The following RASAL2 variants were observed in gnomAD, a reference collection of about 807,000 sequenced individuals.
RASAL2 encodes ras GTPase-activating protein nGAP.
In RASAL2, 58 loss-of-function variants were observed where a neutral mutation model predicts 128.9. The observed-to-expected ratio is 0.45, with a 90% CI of 0.36 to 0.56. The LOEUF (loss-of-function observed/expected upper bound fraction) is 0.56, where lower values mean the gene tolerates loss of function less well. RASAL2 is among the 20% of genes least tolerant of loss of function. The pLI is 0.00. For synonymous variants in RASAL2, 561 were observed against 580.8 expected (o/e 0.97, Z 0.49); for missense variants, 1,360 against 1,601.6 (o/e 0.85, Z 2.57).
In RASAL2 at chr1:178,373,274, C is replaced by CTTTTTTTTTTTTTTTTTTTTTTT. The variant is rs60835442; in HGVS notation, c.458-16811_458-16810insTTTTTTTTTTTTTTTTTTTTTTT. ...TCAATCTTAGCATTCTGTTTCTTTC[C>CTTTTTTTTTTTTTTTTTTTTTTT]TTTTTTTTTTTTTTTGCAGTTTAGA... On this transcript the variant is annotated intron_variant, in intron 3 of 17. Coordinates refer to ENST00000367649, the MANE Select transcript of RASAL2 (RefSeq NM_170692.4). 3.0e-3 allele frequency among the ~76,000 whole-genome samples: 180 copies of CTTTTTTTTTTTTTTTTTTTTTTT among 59,984 alleles called. 19 individuals are homozygous for CTTTTTTTTTTTTTTTTTTTTTTT. Among genetic ancestry groups the CTTTTTTTTTTTTTTTTTTTTTTT allele is most frequent in the South Asian group, 3.9e-3 (5 of 1,290 alleles). The allele number at this position is 59,984 out of a possible 152,430, so 39.4% of individuals were successfully genotyped here. A position where few individuals can be genotyped will look rare whatever the true frequency, so the allele number is the denominator to read the frequency against.
chr1:178,328,749 A>G (rs1669155561), intron 3 of RASAL2, among the ~76,000 whole-genome samples: 1 of 152,228 alleles, frequency 6.6e-6, no homozygotes, highest in African/African-American at 2.4e-5. Flanking sequence ...CTGATGCCAA[A>G]TAAGTGGCAG....
intron 1 of RASAL2, among the ~76,000 whole-genome samples, chr1:178,130,538 G>A (rs558516843): frequency 4.0e-4 from 61 of 152,146 alleles, no homozygotes; most frequent in African/African-American, 1.3e-3. Context: ...TCTTGAATGC[G>A]GTCTTGACTA....
At chr1:178,293,835 G>T (rs986713363) in intron 2 of RASAL2, among the ~76,000 whole-genome samples, 3 of 152,172 alleles carry the variant, frequency 2.0e-5, no homozygotes, top group South Asian at 2.1e-4. Context: ...ATGTGTTACC[G>T]GAGAACTAAA....
chr1:178,238,659 A>G (rs187056388), intron 1 of RASAL2, among the ~76,000 whole-genome samples: 24 of 152,098 alleles, frequency 1.6e-4, no homozygotes, highest in Admixed American at 1.3e-3. Context: ...AGCAATCACT[A>G]TATATATATG....
At chr1:178,265,871 C>A (rs1416439564) in intron 1 of RASAL2, among the ~76,000 whole-genome samples, 1 of 152,154 alleles carries the variant, frequency 6.6e-6, no homozygotes. Flanking sequence ...AATTACACAT[C>A]TTTTGTATCT....
intron 4 of RASAL2, among the ~76,000 whole-genome samples, chr1:178,393,581 C>G (rs1463457953): frequency 6.6e-6 from 1 of 152,200 alleles, no homozygotes; most frequent in Non-Finnish European, 1.5e-5. Context: ...CCGCCCAGTT[C>G]CTAACAGGCC....
chr1:178,157,732 C>G (rs575220695), intron 1 of RASAL2, among the ~76,000 whole-genome samples: 3 of 152,134 alleles, frequency 2.0e-5, no homozygotes, highest in East Asian at 3.9e-4. Flanking sequence ...TTTAGACTTG[C>G]GTACATTCAC....
chr1:178,226,494 T>C (rs1181270578), intron 1 of RASAL2, among the ~76,000 whole-genome samples: 1 of 152,184 alleles, frequency 6.6e-6, no homozygotes, highest in African/African-American at 2.4e-5. Flanking sequence ...ACACCAGCTA[T>C]GTGGAAGAGA....
chr1:178,246,653 A>G (rs951562904), intron 1 of RASAL2, among the ~76,000 whole-genome samples: 1 of 152,112 alleles, frequency 6.6e-6, no homozygotes, highest in Non-Finnish European at 1.5e-5. Context: ...CTTGTTTTCA[A>G]AGGGAATGCT....
At chr1:178,419,937 A>G (rs1460871498) in intron 4 of RASAL2, among the ~76,000 whole-genome samples, 1 of 152,258 alleles carries the variant, frequency 6.6e-6, no homozygotes, top group Non-Finnish European at 1.5e-5. Flanking sequence ...ACATAGACTG[A>G]GTTTTAACAC....
At position 178,371,343 on chromosome 1, in the gene RASAL2, CACACACACAAAT is replaced by C. The variant is rs1212337122; in HGVS notation, c.458-18747_458-18736del. Among the ~76,000 whole-genome samples the C allele has an allele frequency of 1.9e-4, 27 of 142,612 alleles. No homozygotes were observed. The South Asian group carries it at 5.6e-3, about 30-fold the overall frequency. The allele number at this position is 142,612 out of a possible 152,430, so 93.6% of individuals were successfully genotyped here. A position where few individuals can be genotyped will look rare whatever the true frequency, so the allele number is the denominator to read the frequency against. ...TTTCCCACACACACACACACACACA[CACACACACAAAT>C]ACACACACACACACACACACACTTC... On this transcript the variant is annotated intron_variant, in intron 3 of 17. Transcript: ENST00000367649.
chr1:178,424,140 G>A (rs1420218868), intron 5 of RASAL2, among the ~76,000 whole-genome samples: 1 of 151,674 alleles, frequency 6.6e-6, no homozygotes, highest in East Asian at 1.9e-4. Flanking sequence ...CTTCAAAAGG[G>A]AGAAATATTC....
At chr1:178,367,279 T>C (rs1385430637) in intron 3 of RASAL2, among the ~76,000 whole-genome samples, 1 of 152,140 alleles carries the variant, frequency 6.6e-6, no homozygotes, top group Non-Finnish European at 1.5e-5. Context: ...AGTCTTTTTA[T>C]TGGTAGTTCC....
chr1:178,310,472 A>G (rs1001298215), intron 3 of RASAL2, among the ~76,000 whole-genome samples: 4 of 149,852 alleles, frequency 2.7e-5, no homozygotes, highest in African/African-American at 1.0e-4. Context: ...TGAATAAAAT[A>G]AAAAAAAACT....
In RASAL2 at chr1:178,457,664, G is replaced by T; in HGVS notation, c.2391-19G>T. The stretch of plus-strand genomic sequence containing the variant: ...GAAGTTGTCTCAAGAGAAATTAAGT[G>T]TCCTTTCCTTTTCCACAGTGATTTG... On this transcript the variant is annotated intron_variant, in intron 13 of 17. Coordinates refer to ENST00000367649, the MANE Select transcript of RASAL2 (RefSeq NM_170692.4). 6.2e-7 allele frequency: 1 copy of T among 1,604,164 alleles called. No homozygotes were observed. The highest frequency in any genetic ancestry group is 8.5e-7 in the Non-Finnish European group (1 of 1,174,576).
chr1:178,310,297 C>A (rs1175628458), intron 3 of RASAL2, among the ~76,000 whole-genome samples: 1 of 152,080 alleles, frequency 6.6e-6, no homozygotes, highest in Admixed American at 6.6e-5. Flanking sequence ...GTTTTCAAAG[C>A]AAATATTATA....
At position 178,193,786 on chromosome 1, in the gene RASAL2, T is replaced by G. The variant is rs79272707; in HGVS notation, c.203-89778T>G. Among the ~76,000 whole-genome samples, 875 of 152,190 alleles carry G rather than the reference T, an allele frequency of 5.7e-3. 4 individuals are homozygous for G. Among genetic ancestry groups the G allele is most frequent in the African/African-American group, 0.02 (830 of 41,506 alleles). ...AGTACTTGACACAAAGAATTTTTTT[T>G]GGTGAATATAAAACATTTAATTTTA... is the stretch of plus-strand genomic sequence containing the variant. On this transcript the variant is annotated intron_variant, in intron 1 of 17. Transcript: ENST00000367649.
chr1:178,304,649 T>C (rs1247041962), intron 3 of RASAL2, among the ~76,000 whole-genome samples: 1 of 152,188 alleles, frequency 6.6e-6, no homozygotes, highest in Admixed American at 6.5e-5. Flanking sequence ...GAGAAGATAG[T>C]GTGATAAGGA....
chr1:178,296,632 C>T (rs1224873124), intron 2 of RASAL2, among the ~76,000 whole-genome samples: 2 of 149,046 alleles, frequency 1.3e-5, no homozygotes, highest in East Asian at 2.0e-4. Flanking sequence ...CAAAGTGCTG[C>T]GATTACAGGT....
Sources: allele counts gnomAD v4.1 joint callset (sites outside exome capture counted in the v4.1 genomes callset), GRCh38; gene constraint gnomAD v4.1.1; transcripts MANE v1.5; gene names NCBI Gene and HGNC (gene_info 2026-07-23, HGNC 2026-07-21).